Variants in TCF7L1 observed in about 807,000 individuals in gnomAD.
The protein encoded by TCF7L1 is transcription factor 7-like 1.
A neutral mutation model predicts 63.7 loss-of-function variants in TCF7L1; 18 were observed. The ratio of observed to expected loss-of-function variants is 0.28; its 90% CI spans 0.20 to 0.42. The LOEUF (loss-of-function observed/expected upper bound fraction) is 0.42. Ranked by LOEUF, TCF7L1 falls within the 10% of genes least tolerant of loss-of-function variation. TCF7L1 has a pLI of 1.00. For missense variants in TCF7L1, 654 were observed against 779.3 expected (o/e 0.84, Z 1.91); for synonymous variants, 355 against 340.9 (o/e 1.04, Z -0.46).
chr2:85,251,079 A>G (rs1214782161), intron 3 of TCF7L1, among the ~76,000 whole-genome samples: 1 of 152,242 alleles, frequency 6.6e-6, no homozygotes, highest in South Asian at 2.1e-4. Context: ...AAACCAGCCT[A>G]TATTTAGGAG....
intron 3 of TCF7L1, among the ~76,000 whole-genome samples, chr2:85,210,643 T>C (rs1322273774): frequency 1.3e-5 from 2 of 152,162 alleles, no homozygotes; most frequent in Non-Finnish European, 2.9e-5. Context: ...TCCAGGTTGT[T>C]CCCAGCCCTT....
chr2:85,287,745 T>C (rs1681597006), intron 4 of TCF7L1, among the ~76,000 whole-genome samples: 1 of 152,204 alleles, frequency 6.6e-6, no homozygotes, highest in African/African-American at 2.4e-5. Flanking sequence ...TTCTCAGTTT[T>C]TGAGGCAGAG....
intron 4 of TCF7L1, among the ~76,000 whole-genome samples, chr2:85,296,074 A>C (rs992860386): frequency 6.6e-6 from 1 of 152,162 alleles, no homozygotes; most frequent in Non-Finnish European, 1.5e-5. Flanking sequence ...CATCATACCC[A>C]GCCAGTAACA....
At chr2:85,184,159 T>G (rs1572980851) in intron 3 of TCF7L1, among the ~76,000 whole-genome samples, 2 of 152,128 alleles carry the variant, frequency 1.3e-5, no homozygotes, top group East Asian at 3.9e-4. Flanking sequence ...GAAATGACTT[T>G]GGGAAGAAAA....
chr2:85,298,102 C>T (rs1681873408), intron 4 of TCF7L1, among the ~76,000 whole-genome samples: 1 of 147,280 alleles, frequency 6.8e-6, no homozygotes, highest in African/African-American at 2.5e-5. Context: ...GGATTATAGG[C>T]ATGTGCCACC....
chr2:85,296,707 T>C (rs940620871), intron 4 of TCF7L1, among the ~76,000 whole-genome samples: 1 of 152,250 alleles, frequency 6.6e-6, no homozygotes, highest in Non-Finnish European at 1.5e-5. Context: ...TTGAAATTCT[T>C]ACTCATGTCT....
chr2:85,244,699 A>G (rs1006241505), intron 3 of TCF7L1, among the ~76,000 whole-genome samples: 6 of 152,192 alleles, frequency 3.9e-5, no homozygotes, highest in Non-Finnish European at 8.8e-5. Flanking sequence ...AATTGGGTCT[A>G]GAAGTCAGGG....
At chr2:85,196,971 C>T (rs1310625765) in intron 3 of TCF7L1, among the ~76,000 whole-genome samples, 1 of 152,094 alleles carries the variant, frequency 6.6e-6, no homozygotes, top group African/African-American at 2.4e-5. Flanking sequence ...ACCAACCTGC[C>T]GCAGGCCATC....
At chr2:85,150,383 G>A (rs992485053) in intron 3 of TCF7L1, among the ~76,000 whole-genome samples, 6 of 152,068 alleles carry the variant, frequency 3.9e-5, no homozygotes, top group Middle Eastern at 3.2e-3. Flanking sequence ...ACAGGCGCCC[G>A]CCACCACGCC....
At chr2:85,261,323 G>T (rs1237791625) in intron 3 of TCF7L1, among the ~76,000 whole-genome samples, 1 of 152,190 alleles carries the variant, frequency 6.6e-6, no homozygotes, top group African/African-American at 2.4e-5. Flanking sequence ...TATTACACAG[G>T]CCAGACCTCT....
intron 4 of TCF7L1, among the ~76,000 whole-genome samples, chr2:85,296,225 C>G (rs975343993): frequency 6.6e-6 from 1 of 152,222 alleles, no homozygotes; most frequent in African/African-American, 2.4e-5. Flanking sequence ...CCTCATGTCT[C>G]TTTAGTTCCC....
At chr2:85,297,765 G>A (rs1437424777) in intron 4 of TCF7L1, among the ~76,000 whole-genome samples, 3 of 151,470 alleles carry the variant, frequency 2.0e-5, no homozygotes, top group African/African-American at 7.3e-5. Context: ...AGCCTGGGGG[G>A]ACACAGTGAG....
Position 85,134,590 on chromosome 2 carries a change from C to T in TCF7L1, c.441+140C>T. 2.5e-6 allele frequency: 3 copies of T among 1,201,958 alleles called. No homozygotes were observed. Among genetic ancestry groups the T allele is most frequent in the Non-Finnish European group, 2.2e-6 (2 of 890,102 alleles). 74.5% of individuals were successfully genotyped at this position (1,201,958 alleles called of 1,614,324 possible). The stretch of plus-strand genomic sequence containing the variant: ...CTTGTTTGCGGAGTTGAACTACTCT[C>T]TGGCGGCCGAGCGCGAGGCTGCGCT... On this transcript the variant is annotated intron_variant, in intron 3 of 11. Coordinates refer to ENST00000282111, the MANE Select transcript of TCF7L1 (RefSeq NM_031283.3). This position sits in a 1 kb window ranked among gnomAD's most constrained non-coding sequence, Gnocchi z 5.0.
rs558162986 is a variant in TCF7L1, at chr2:85,144,929, C to T, written c.441+10479C>T. The stretch of plus-strand genomic sequence containing the variant: ...TGAAACCCCGTCTCTACTAAAAATA[C>T]AAAAAATTAGCTGGGTGTGGTAGCA... On this transcript the variant is annotated intron_variant, in intron 3 of 11. Coordinates refer to ENST00000282111, the MANE Select transcript of TCF7L1 (RefSeq NM_031283.3). Among the ~76,000 whole-genome samples, 3 of 151,694 alleles carry T rather than the reference C, an allele frequency of 2.0e-5. No individual in the cohort carries two copies. The South Asian group carries it at 6.3e-4, about 32-fold the overall frequency.
intron 3 of TCF7L1, among the ~76,000 whole-genome samples, chr2:85,201,291 A>T (rs749164363): frequency 6.6e-6 from 1 of 152,212 alleles, no homozygotes; most frequent in Non-Finnish European, 1.5e-5. Flanking sequence ...TTGCATCTTT[A>T]TGTTTGTTTA....
At chr2:85,308,683 C>CAGA (rs892458108) in intron 11 of TCF7L1, among the ~76,000 whole-genome samples, 6 of 152,012 alleles carry the variant, frequency 3.9e-5, no homozygotes, top group Non-Finnish European at 7.4e-5. Context: ...GGCATGCACT[C>CAGA]TCTCTGACTG....
chr2:85,182,263 G>C (rs1331472918), intron 3 of TCF7L1, among the ~76,000 whole-genome samples: 2 of 152,184 alleles, frequency 1.3e-5, no homozygotes, highest in Admixed American at 1.3e-4. Context: ...ATAGCTGCTG[G>C]CCTGCGGGAC....
intron 3 of TCF7L1, among the ~76,000 whole-genome samples, chr2:85,175,522 G>C (rs1475634120): frequency 1.3e-5 from 2 of 152,176 alleles, no homozygotes; most frequent in Non-Finnish European, 2.9e-5. Context: ...AGCCAGGATG[G>C]GGGGTGGGTG....
chr2:85,165,814 G>C (rs1678403535), intron 3 of TCF7L1, among the ~76,000 whole-genome samples: 2 of 152,184 alleles, frequency 1.3e-5, no homozygotes. Flanking sequence ...ACTTCCTCCA[G>C]CTTCCCCAGT....
Sources: allele counts gnomAD v4.1 joint callset (sites outside exome capture counted in the v4.1 genomes callset), GRCh38; gene constraint gnomAD v4.1.1; non-coding constraint Gnocchi (gnomAD v3.1); transcripts MANE v1.5; gene names NCBI Gene and HGNC (gene_info 2026-07-23, HGNC 2026-07-21).